ABR: variants seen among roughly 807,000 people sequenced by gnomAD.
ABR encodes the protein ABR activator of RhoGEF and GTPase, also known as active breakpoint cluster region-related protein.
ABR carries 35 observed loss-of-function variants against 107.2 expected under a neutral mutation model. The observed-to-expected ratio is 0.33, with a 90% CI of 0.25 to 0.43. The LOEUF (loss-of-function observed/expected upper bound fraction) is 0.43, where lower values mean the gene tolerates loss of function less well. Ranked by LOEUF, ABR falls within the 20% of genes least tolerant of loss-of-function variation. ABR has a pLI of 1.00. For missense variants in ABR, 815 were observed against 1,115.2 expected, an observed-to-expected ratio of 0.73 and a Z score of 3.83; for synonymous variants, 498 against 462.0, an observed-to-expected ratio of 1.08 and a Z score of -1.00.
intron 1 of ABR, among the ~76,000 whole-genome samples, chr17:1,176,418 G>C (rs982689362): frequency 1.3e-5 from 2 of 152,210 alleles, no homozygotes; most frequent in African/African-American, 2.4e-5. Flanking sequence ...CATTATTCTA[G>C]GGTACAACCT....
At chr17:1,009,453 A>C (rs1225455649) in intron 21 of ABR, among the ~76,000 whole-genome samples, 3 of 152,190 alleles carry the variant, frequency 2.0e-5, no homozygotes, top group Non-Finnish European at 4.4e-5. Flanking sequence ...AATATTTCTC[A>C]AAACAGAAAA....
At chr17:1,201,193 T>C (rs894537801) in intron 1 of ABR, among the ~76,000 whole-genome samples, 1 of 152,152 alleles carries the variant, frequency 6.6e-6, no homozygotes, top group Non-Finnish European at 1.5e-5. Context: ...ACGGGGCCGG[T>C]GTCCACGAGG....
At chr17:1,173,001 ACATCACCTCAGTCCACC>A in intron 1 of ABR, among the ~76,000 whole-genome samples, 1 of 114,894 alleles carries the variant, frequency 8.7e-6, no homozygotes. Context: ...TCCACCCAAC[ACATCACCTCAGTCCACC>A]CAACACATCA....
chr17:1,028,945 G>A (rs565013343), intron 16 of ABR, among the ~76,000 whole-genome samples: 126 of 152,030 alleles, frequency 8.3e-4, no homozygotes, highest in African/African-American at 2.9e-3. Context: ...GGGGCAGGGT[G>A]GGGGGGTTCC....
rs183748411 is a variant in ABR, at chr17:1,092,994, T to G, written c.346-1144A>C. Reference sequence around the variant, plus strand: ...GCCACCACGCCTGGCTAATTTTTTTTGTATTTTTAGTAGAGACGGGGTTTC... The same window carrying G: ...GCCACCACGCCTGGCTAATTTTTTTGGTATTTTTAGTAGAGACGGGGTTTC... On this transcript the variant is annotated intron_variant, in intron 3 of 22. Coordinates refer to ENST00000302538, the MANE Select transcript of ABR (RefSeq NM_021962.5). This position sits in a 1 kb window ranked among gnomAD's most constrained non-coding sequence, Gnocchi z 4.6. 2.9e-3 allele frequency among the ~76,000 whole-genome samples: 444 copies of G among 151,770 alleles called. 4 individuals carry two copies. Among genetic ancestry groups the G allele is most frequent in the African/African-American group, 0.01 (429 of 41,470 alleles).
Position 1,179,713 on chromosome 17 carries a change from G to T in ABR, c.15C>A (p.Ser5Arg). The T allele has an allele frequency of 6.4e-7, 1 of 1,556,080 alleles. No individual in the cohort carries two copies. The highest frequency in any genetic ancestry group is 8.7e-7 in the Non-Finnish European group (1 of 1,151,706). MEPL[S>R]HRGLPRLSWI... ...AGGACAGGCGCGGCAGGCCCCGGTGGCTGAGCGGCTCCATCCCGCGGCGGC... is the reference window on the plus strand; with the variant it reads ...AGGACAGGCGCGGCAGGCCCCGGTGTCTGAGCGGCTCCATCCCGCGGCGGC... The change falls in exon 1 of 23, where the codon AGC becomes AGA. Residue 5 changes from serine to arginine, a missense_variant. By Grantham distance (110) the Ser-to-Arg change is moderately radical. Transcript: ENST00000302538. This position sits in a 1 kb window ranked among gnomAD's most constrained non-coding sequence, Gnocchi z 4.9.
At chr17:1,042,755 G>A (rs1193865075) in intron 16 of ABR, among the ~76,000 whole-genome samples, 1 of 151,300 alleles carries the variant, frequency 6.6e-6, no homozygotes, top group Non-Finnish European at 1.5e-5. Flanking sequence ...ATTCACGGAC[G>A]GATGGATGGA....
At chr17:1,181,663 G>A (rs1024008430), upstream of ABR, among the ~76,000 whole-genome samples, 4 of 152,212 alleles carry the variant, frequency 2.6e-5, no homozygotes, top group Admixed American at 6.5e-5. Flanking sequence ...GCAGGCTCTC[G>A]GAGGACCGCG....
In ABR at chr17:1,086,949, A is replaced by G. The variant is rs376249013; in HGVS notation, c.532-3322T>C. 5.6e-3 allele frequency among the ~76,000 whole-genome samples: 851 copies of G among 151,254 alleles called. 4 individuals carry two copies. The highest frequency in any genetic ancestry group is 0.014 in the Admixed American group (207 of 15,234). On this transcript the variant is annotated intron_variant, in intron 4 of 22. Coordinates refer to ENST00000302538, the MANE Select transcript of ABR (RefSeq NM_021962.5). ...TAGCAAGACCTTTTTTTTTTTTTAAAGTACAGGCCAACCCAAAATAGATAC... is the reference window on the plus strand; with the variant it reads ...TAGCAAGACCTTTTTTTTTTTTTAAGGTACAGGCCAACCCAAAATAGATAC...
chr17:1,080,089 A>G (rs2036110183), intron 5 of ABR, among the ~76,000 whole-genome samples: 1 of 152,100 alleles, frequency 6.6e-6, no homozygotes. Flanking sequence ...TCTTTAGGGC[A>G]TGAGGAACCC....
rs920711303 is a variant in ABR at position 1,092,542 on chromosome 17, T to A, written c.346-692A>T. ...GGGCCTGCCAGTGTAGACGGTGAGG[T>A]GGCAGATAACACAGACCAACCCCCA... On this transcript the variant is annotated intron_variant, in intron 3 of 22. Transcript: ENST00000302538. This position sits in a 1 kb window ranked among gnomAD's most constrained non-coding sequence, Gnocchi z 4.6. Among the ~76,000 whole-genome samples, 1 of 151,728 alleles carries A rather than the reference T, an allele frequency of 6.6e-6. No individual in the cohort carries two copies. The highest frequency in any genetic ancestry group is 6.6e-5 in the Admixed American group (1 of 15,212).
chr17:1,020,506 C>T (rs1481985271), intron 16 of ABR, among the ~76,000 whole-genome samples: 3 of 152,208 alleles, frequency 2.0e-5, no homozygotes, highest in East Asian at 3.9e-4. Context: ...TCCCCTGCGG[C>T]GAAAACCCAG....
chr17:1,178,406 T>C (rs2041986417), intron 1 of ABR, among the ~76,000 whole-genome samples: 1 of 151,646 alleles, frequency 6.6e-6, no homozygotes, highest in South Asian at 2.1e-4. Context: ...CTACTAAAAA[T>C]ACAAAAAATT....
upstream of ABR, among the ~76,000 whole-genome samples, chr17:1,180,191 C>A (rs956834124): frequency 1.3e-5 from 2 of 152,088 alleles, no homozygotes; most frequent in African/African-American, 2.4e-5. Flanking sequence ...GGTCTCCAGG[C>A]GGCGGCGCAG....
Position 1,010,976 on chromosome 17 carries a change from C to A in ABR, c.2102-113G>T. 7.0e-7 allele frequency: 1 copy of A among 1,419,020 alleles called. No homozygotes were observed. Among genetic ancestry groups the A allele is most frequent in the East Asian group, 2.3e-5 (1 of 43,554 alleles). The allele number at this position is 1,419,020 out of a possible 1,614,324, so 87.9% of individuals were successfully genotyped here. ...ACTCCAGCTCTGGTTCTGGTCTCCC[C>A]TGGAAGAGCAGGATGTAGAGAGGGC... On this transcript the variant is annotated intron_variant, in intron 19 of 22. Transcript: ENST00000302538. This position sits in a 1 kb window ranked among gnomAD's most constrained non-coding sequence, Gnocchi z 4.1.
chr17:1,071,776 A>C lies in ABR; in HGVS notation c.894+838T>G, dbSNP rs1004968066. Among the ~76,000 whole-genome samples, 3 of 152,200 alleles carry C rather than the reference A, an allele frequency of 2.0e-5. No individual in the cohort carries two copies. The highest frequency in any genetic ancestry group is 4.4e-5 in the Non-Finnish European group (3 of 68,020). ...CTGCATTCAAGAATGAGGCACCCGG[A>C]GGCCACTTCCCCGGCGTGGGCCTCC... On this transcript the variant is annotated intron_variant, in intron 8 of 22. Transcript: ENST00000302538. This position sits in a 1 kb window ranked among gnomAD's most constrained non-coding sequence, Gnocchi z 5.1.
At chr17:1,046,720 G>A (rs571253201) in intron 16 of ABR, among the ~76,000 whole-genome samples, 32 of 152,348 alleles carry the variant, frequency 2.1e-4, no homozygotes, top group Non-Finnish European at 3.5e-4. Flanking sequence ...GGCCTGAGAC[G>A]TGGGGACATG....
chr17:1,046,424 C>A (rs1402795551), intron 16 of ABR, among the ~76,000 whole-genome samples: 1 of 151,740 alleles, frequency 6.6e-6, no homozygotes, highest in African/African-American at 2.4e-5. Context: ...GCGCGTGCCA[C>A]CACGCCTGGC....
rs771344833 is a variant in ABR, at chr17:1,125,198, C to G, written c.231G>C (p.Glu77Asp). ...GGDGVSPTPP[E>D]GLAPGVEAGK... ...GTGTACCTACCCCAGGAGCCAGTCCCTCAGGTGGAGTCGGGGAGACGCCAT... is the reference window on the plus strand; with the variant it reads ...GTGTACCTACCCCAGGAGCCAGTCCGTCAGGTGGAGTCGGGGAGACGCCAT... The change falls in exon 2 of 23, where the codon GAG (glutamate) becomes GAC (aspartate). Residue 77 changes from glutamate (E) to aspartate (D), a missense_variant. By Grantham distance (45) the Glu-to-Asp change is conservative. Coordinates refer to ENST00000302538, the MANE Select transcript of ABR (RefSeq NM_021962.5). 6.3e-7 allele frequency: 1 copy of G among 1,594,340 alleles called. No individual in the cohort carries two copies. Among genetic ancestry groups the G allele is most frequent in the Admixed American group, 1.7e-5 (1 of 57,688 alleles).
Sources: gnomAD v4.1 joint callset for allele counts (sites outside exome capture counted in the v4.1 genomes callset) on GRCh38, gnomAD v4.1.1 for gene constraint, Gnocchi (gnomAD v3.1) non-coding constraint, MANE v1.5 for transcripts, NCBI Gene and HGNC (gene_info 2026-07-23, HGNC 2026-07-21) for gene names.